The following CDC25C variants were observed in gnomAD, a reference collection of about 807,000 sequenced individuals.
CDC25C encodes the protein M-phase inducer phosphatase 3.
A neutral mutation model predicts 52.5 loss-of-function variants in CDC25C; 48 were observed. The ratio of observed to expected loss-of-function variants is 0.91; its 90% CI spans 0.72 to 1.16. The LOEUF is 1.16. Among genes scored for constraint, CDC25C ranks in the 50% most tolerant of loss-of-function variants. The pLI, the probability that CDC25C is intolerant of heterozygous loss-of-function variation, is 0.00. For missense variants in CDC25C, 510 were observed against 566.1 expected, an observed-to-expected ratio of 0.90 and a Z score of 1.01; for synonymous variants, 187 against 206.5, an observed-to-expected ratio of 0.91 and a Z score of 0.81.
chr5:138,320,666 A>C (rs1335426988), intron 6 of CDC25C, among the ~76,000 whole-genome samples: 1 of 151,720 alleles, frequency 6.6e-6, no homozygotes, highest in African/African-American at 2.4e-5. Flanking sequence ...CAAAATATAC[A>C]AAAAAATTAG....
intron 7 of CDC25C, among the ~76,000 whole-genome samples, chr5:138,298,408 C>A (rs1757375062): frequency 6.6e-6 from 1 of 152,018 alleles, no homozygotes; most frequent in South Asian, 2.1e-4. Context: ...AATACACATT[C>A]TTCTCCAGTA....
upstream of CDC25C, chr5:138,336,649 T>A (rs1437783039): frequency 6.6e-6 from 1 of 151,838 alleles, no homozygotes; most frequent in Non-Finnish European, 1.5e-5. Context: ...ATCGCCTCAG[T>A]GCACTCCAGC....
In CDC25C at chr5:138,323,404, C is replaced by T. The variant is rs573348385; in HGVS notation, c.459+2411G>A. Reference sequence around the variant, plus strand: ...CCTCAGGCTCTTGGGCCGAGGCGATCCTCTTGCCTTGGCCTCCAGAGTACC... The same window carrying T: ...CCTCAGGCTCTTGGGCCGAGGCGATTCTCTTGCCTTGGCCTCCAGAGTACC... On this transcript the variant is annotated intron_variant, in intron 6 of 13. Coordinates refer to ENST00000323760, the MANE Select transcript of CDC25C (RefSeq NM_001790.5). Among the ~76,000 whole-genome samples the T allele has an allele frequency of 7.9e-5, 12 of 152,236 alleles. No homozygotes were observed. In the South Asian group the frequency reaches 2.1e-3, roughly 26 times the overall value.
At chr5:138,327,168 T>A (rs1315873071) in intron 4 of CDC25C, among the ~76,000 whole-genome samples, 2 of 150,094 alleles carry the variant, frequency 1.3e-5, no homozygotes, top group Non-Finnish European at 3.0e-5. Context: ...GGCAGGAGAA[T>A]CACTTGAACC....
intron 6 of CDC25C, among the ~76,000 whole-genome samples, chr5:138,324,079 T>C (rs1428774807): frequency 6.6e-6 from 1 of 151,616 alleles, no homozygotes; most frequent in Non-Finnish European, 1.5e-5. Context: ...AAGACCAGCC[T>C]GGGCAAGATG....
chr5:138,286,473 G>A (rs747954939), intron 12 of CDC25C, 24 bp downstream of exon 12: 15 of 1,598,292 alleles, frequency 9.4e-6, no homozygotes, highest in African/African-American at 5.4e-5. Context: ...TCCATCACCC[G>A]CCAGACCCCA....
chr5:138,325,310 T>A (rs994028253), intron 6 of CDC25C, among the ~76,000 whole-genome samples: 2 of 152,244 alleles, frequency 1.3e-5, no homozygotes, highest in African/African-American at 4.8e-5. Flanking sequence ...AGTGATGAGG[T>A]GGCTCCGGAG....
At chr5:138,291,724 C>T (rs966830243) in intron 8 of CDC25C, among the ~76,000 whole-genome samples, 3 of 151,048 alleles carry the variant, frequency 2.0e-5, no homozygotes, top group Non-Finnish European at 4.4e-5. Context: ...CGGCCTATGA[C>T]AACATTTCTA....
chr5:138,331,460 G>A, intron 1 of CDC25C, 135 bp downstream of exon 1: 1 of 684,806 alleles, frequency 1.5e-6, no homozygotes, highest in Non-Finnish European at 2.1e-6. Context: ...CTCCTGACTA[G>A]AAAGAACCCG....
At chr5:138,324,357 A>T (rs1420796987) in intron 6 of CDC25C, among the ~76,000 whole-genome samples, 1 of 152,196 alleles carries the variant, frequency 6.6e-6, no homozygotes, top group African/African-American at 2.4e-5. Flanking sequence ...TTTAGAAATG[A>T]ATCGGAGAAA....
intron 1 of CDC25C, 87 bp from the exon 2 acceptor site, chr5:138,331,305 A>G (rs1760366756): frequency 1.0e-6 from 1 of 956,096 alleles, no homozygotes. Flanking sequence ...AGGCGAATCA[A>G]CACTGGAAGA....
intron 6 of CDC25C, among the ~76,000 whole-genome samples, chr5:138,321,225 G>C (rs1023964077): frequency 4.6e-5 from 7 of 152,108 alleles, no homozygotes; most frequent in Non-Finnish European, 7.3e-5. Flanking sequence ...TATCACTTAA[G>C]GGTATACAGC....
rs375992598 is a variant in CDC25C, at chr5:138,286,594, T to G, written c.1063A>C (p.Asn355His). 5.6e-6 allele frequency: 9 copies of G among 1,613,412 alleles called. No homozygotes were observed. In the East Asian group the frequency reaches 1.8e-4, roughly 32 times the overall value. Residue 355 changes from asparagine (N) to histidine (H), a missense_variant, in exon 12 of 14, where the codon AAC becomes CAC. By Grantham distance (68) the Asn-to-His change is moderately conservative. Transcript: ENST00000323760. ...ACGATGGGCTTCTTCAGAAAGAAGTTAAACAGTTCTTCCTGACTATATAAG... is the reference window on the plus strand; with the variant it reads ...ACGATGGGCTTCTTCAGAAAGAAGTGAAACAGTTCTTCCTGACTATATAAG... The part of the protein sequence containing the change: ...LNLYSQEELF[N>H]FFLKKPIVPL...
Position 138,291,975 on chromosome 5 carries a change from T to G in CDC25C, c.757A>C (p.Arg253=), listed in dbSNP as rs1756758765. 5 of 1,606,718 alleles carry G rather than the reference T, an allele frequency of 3.1e-6. No individual in the cohort carries two copies. The highest frequency in any genetic ancestry group is 4.3e-6 in the Non-Finnish European group (5 of 1,176,324). The change falls in exon 8 of 14, where the codon AGG becomes CGG. Residue 253 remains arginine, a synonymous_variant. Coordinates refer to ENST00000323760, the MANE Select transcript of CDC25C (RefSeq NM_001790.5). ...KKYFSGQGKL[R]KGLCLKKTVS... is the part of the protein sequence containing the mutation. The stretch of plus-strand genomic sequence containing the variant: ...TCATCTTAAAAAGTTCTTACCTTCC[T>G]GAGCTTTCCTTGGCCAGAAAAATAC...
intron 10 of CDC25C, among the ~76,000 whole-genome samples, chr5:138,288,926 T>C (rs1756483028): frequency 1.3e-5 from 2 of 152,144 alleles, no homozygotes; most frequent in South Asian, 2.1e-4. Flanking sequence ...CCATTTCTTG[T>C]GTGTGATTTT....
intron 7 of CDC25C, among the ~76,000 whole-genome samples, chr5:138,299,140 C>A (rs1227985350): frequency 5.4e-5 from 8 of 147,796 alleles, no homozygotes; most frequent in Admixed American, 1.4e-4. Flanking sequence ...TTGCAGTGAG[C>A]CAAGATCGCA....
chr5:138,324,414 G>T (rs1367886640), intron 6 of CDC25C, among the ~76,000 whole-genome samples: 1 of 151,948 alleles, frequency 6.6e-6, no homozygotes, highest in East Asian at 1.9e-4. Flanking sequence ...GATTTGCCTA[G>T]GCAACATAGT....
rs1760176644 is a variant in CDC25C, at chr5:138,329,610, T to C, written c.232A>G (p.Ser78Gly). 4.3e-6 allele frequency: 7 copies of C among 1,613,486 alleles called. No individual in the cohort carries two copies. The highest frequency in any genetic ancestry group is 2.2e-5 in the East Asian group (1 of 44,866). Residue 78 changes from serine (S) to glycine (G), a missense_variant, in exon 3 of 14, where the codon AGC becomes GGC. Coordinates refer to ENST00000323760, the MANE Select transcript of CDC25C (RefSeq NM_001790.5). ...TGAGTGGCAGTTATCTCCCCACTGCTAAGATTCGAAAGATCGAGGCAACGT... is the reference window on the plus strand; with the variant it reads ...TGAGTGGCAGTTATCTCCCCACTGCCAAGATTCGAAAGATCGAGGCAACGT... ...PKRCLDLSNL[S>G]SGEITATQLT...
chr5:138,288,844 T>A (rs919847073), intron 10 of CDC25C, among the ~76,000 whole-genome samples: 4 of 152,214 alleles, frequency 2.6e-5, no homozygotes, highest in Admixed American at 6.5e-5. Context: ...TTACCCTCAC[T>A]AATAGATGAA....
Sources: allele counts gnomAD v4.1 joint callset (sites outside exome capture counted in the v4.1 genomes callset), GRCh38; gene constraint gnomAD v4.1.1; transcripts MANE v1.5; gene names NCBI Gene and HGNC (gene_info 2026-07-23, HGNC 2026-07-21).